The following PCDHA3 variants were observed in gnomAD, a reference collection of about 807,000 sequenced individuals.
PCDHA3 encodes protocadherin alpha 3.
PCDHA3 carries 41 observed loss-of-function variants against 62.2 expected under a neutral mutation model. That is an observed-to-expected ratio of 0.66 (90% CI 0.51 to 0.86). PCDHA3 has a LOEUF of 0.86. PCDHA3 is among the 40% of genes least tolerant of loss of function. The pLI is 0.00. For missense variants in PCDHA3, 1,304 were observed against 1,241.2 expected (o/e 1.05, Z -0.76); for synonymous variants, 640 against 555.4 (o/e 1.15, Z -2.14).
Position 141,009,908 on chromosome 5 carries a change from A to G in PCDHA3, c.2824A>G (p.Asn942Asp), listed in dbSNP as rs1295693430. The G allele has an allele frequency of 6.2e-7, 1 of 1,612,848 alleles. No individual in the cohort carries two copies. Among genetic ancestry groups the G allele is most frequent in the Non-Finnish European group, 8.5e-7 (1 of 1,179,798 alleles). Residue 942 changes from asparagine to aspartate, a missense_variant, in exon 4 of 4, where the codon AAC (asparagine) becomes GAC (aspartate). By Grantham distance (23) the Asn-to-Asp change is conservative (BLOSUM62 1). Transcript: ENST00000522353. Reference sequence around the variant, plus strand: ...GACCCAGGAGAAAAAAGAGAAAGGGAACAGCACGACTGACAACAGTGACCA... The same window carrying G: ...GACCCAGGAGAAAAAAGAGAAAGGGGACAGCACGACTGACAACAGTGACCA... ...NKTQEKKEKG[N>D]STTDNSDQ
At chr5:140,805,068 C>A in intron 1 of PCDHA3, 1 of 1,593,038 alleles carries the variant, frequency 6.3e-7, no homozygotes. Flanking sequence ...AGATATGGAA[C>A]TTCAATCTTC....
At chr5:140,985,000 C>T (rs1237251178) in intron 3 of PCDHA3, among the ~76,000 whole-genome samples, 5 of 151,948 alleles carry the variant, frequency 3.3e-5, no homozygotes, top group Non-Finnish European at 7.4e-5. Context: ...TCCAGTGGCA[C>T]GATATCGGCT....
At chr5:140,921,091 C>G (rs893367475) in intron 1 of PCDHA3, among the ~76,000 whole-genome samples, 1 of 152,022 alleles carries the variant, frequency 6.6e-6, no homozygotes, top group Admixed American at 6.5e-5. Flanking sequence ...GAGAATCCTC[C>G]TGCCTCAGTC....
At position 140,803,628 on chromosome 5, in the gene PCDHA3, T is replaced by C. The variant is rs1554122906; in HGVS notation, c.2394+37T>C. 5 of 1,613,976 alleles carry C rather than the reference T, an allele frequency of 3.1e-6. No homozygotes were observed. The African/African-American group carries it at 4.0e-5, about 13-fold the overall frequency. On this transcript the variant is annotated intron_variant, in intron 1 of 3. Transcript: ENST00000522353. Reference sequence around the variant, plus strand: ...TTATTTATTCTTTCCAAAATGTCTTTGTTTTTCATTCCTCAATGTTTCCAC... The same window carrying C: ...TTATTTATTCTTTCCAAAATGTCTTCGTTTTTCATTCCTCAATGTTTCCAC...
chr5:140,972,294 C>T (rs944183626), intron 1 of PCDHA3, among the ~76,000 whole-genome samples: 14 of 151,458 alleles, frequency 9.2e-5, no homozygotes, highest in South Asian at 2.1e-4. Context: ...TGTGCGCCAC[C>T]GTGTCTGACT....
chr5:140,852,012 T>C (rs2042217314), intron 1 of PCDHA3: 1 of 965,684 alleles, frequency 1.0e-6, no homozygotes, highest in East Asian at 1.1e-4. Context: ...TAATTTATAG[T>C]TTTAAAAACT....
intron 3 of PCDHA3, among the ~76,000 whole-genome samples, chr5:140,989,348 G>A (rs1455202093): frequency 6.6e-6 from 1 of 152,196 alleles, no homozygotes; most frequent in African/African-American, 2.4e-5. Context: ...GCTCAAAGGT[G>A]ATAGGTCACC....
chr5:140,854,159 CAAAA>C (rs59855104), intron 1 of PCDHA3: 81 of 341,326 alleles, frequency 2.4e-4, no homozygotes, highest in Middle Eastern at 1.4e-3. Flanking sequence ...GATTCTGTCT[CAAAA>C]AAAAAAAAAA....
intron 1 of PCDHA3, chr5:140,834,434 T>A: frequency 6.2e-7 from 1 of 1,610,706 alleles, no homozygotes; most frequent in Non-Finnish European, 8.5e-7. Context: ...TACTGCTGTT[T>A]ATTATAATTC....
chr5:140,904,335 C>T (rs142753502), intron 1 of PCDHA3, among the ~76,000 whole-genome samples: 2,168 of 152,034 alleles, frequency 0.014, 62 homozygotes, highest in African/African-American at 0.05. Flanking sequence ...TCTCCAGTTC[C>T]ATCCAGGTTG....
intron 1 of PCDHA3, chr5:140,865,093 G>T (rs535527730): frequency 6.6e-6 from 1 of 152,216 alleles, no homozygotes; most frequent in African/African-American, 2.4e-5. Flanking sequence ...TATTAATAAA[G>T]GCACTTCCAC....
intron 1 of PCDHA3, chr5:140,871,328 G>C: frequency 1.9e-6 from 3 of 1,614,128 alleles, no homozygotes; most frequent in Non-Finnish European, 2.5e-6. Flanking sequence ...GTGTGCTCCC[G>C]CGCGGTGGGG....
At position 140,944,954 on chromosome 5, in the gene PCDHA3, G is replaced by T. The variant is rs59917150; in HGVS notation, c.2395-33995G>T. Among the ~76,000 whole-genome samples the T allele has an allele frequency of 8.9e-3, 1,356 of 152,182 alleles. 15 individuals are homozygous for T. Among genetic ancestry groups the T allele is most frequent in the African/African-American group, 0.032 (1,311 of 41,514 alleles). ...CTTCTTTAGATGATTGTGAATAAGA[G>T]TATTATCTTAACCTCTCTGGTGGGT... On this transcript the variant is annotated intron_variant, in intron 1 of 3. Coordinates refer to ENST00000522353, the MANE Select transcript of PCDHA3 (RefSeq NM_018906.3).
chr5:140,967,026 C>G, intron 1 of PCDHA3: 2 of 1,608,434 alleles, frequency 1.2e-6, no homozygotes, highest in East Asian at 4.5e-5. Flanking sequence ...GCGCCCAGTC[C>G]GCGCTACCTG....
intron 1 of PCDHA3, among the ~76,000 whole-genome samples, chr5:140,886,846 AAG>A (rs1345370045): frequency 2.0e-5 from 3 of 151,444 alleles, no homozygotes; most frequent in Admixed American, 6.6e-5. Context: ...AAAAAAAAAA[AAG>A]AAAGGTCTTC....
rs77098340 is a variant in PCDHA3 at position 140,895,412 on chromosome 5, C to T, written c.2395-83537C>T. 8.0e-3 allele frequency among the ~76,000 whole-genome samples: 1,218 copies of T among 152,216 alleles called. 6 individuals carry two copies. Among genetic ancestry groups the T allele is most frequent in the African/African-American group, 0.019 (785 of 41,528 alleles). On this transcript the variant is annotated intron_variant, in intron 1 of 3. Coordinates refer to ENST00000522353, the MANE Select transcript of PCDHA3 (RefSeq NM_018906.3). The stretch of plus-strand genomic sequence containing the variant: ...CTCAACACCATCAAAAGCCCCATAA[C>T]CTTCTTTTGCTTCCTCCTGAGACTC...
In PCDHA3 at chr5:140,803,411, G is replaced by C. The variant is rs782062306; in HGVS notation, c.2214G>C (p.Thr738=). Residue 738 remains threonine (T), a synonymous_variant, in exon 1 of 4, where the codon ACG becomes ACC. Coordinates refer to ENST00000522353, the MANE Select transcript of PCDHA3 (RefSeq NM_018906.3). ...GCGACTGTGGGCCGGGCAAGCCCAC[G>C]CTGGTGTGCTCCAGCGCGGTGGGGA... ...TEGDCGPGKP[T]LVCSSAVGSW... 2.5e-6 allele frequency: 4 copies of C among 1,614,218 alleles called. No individual in the cohort carries two copies. The highest frequency in any genetic ancestry group is 3.4e-6 in the Non-Finnish European group (4 of 1,180,042).
chr5:140,930,798 G>T (rs1339622831), intron 1 of PCDHA3, among the ~76,000 whole-genome samples: 1 of 152,094 alleles, frequency 6.6e-6, no homozygotes, highest in Non-Finnish European at 1.5e-5. Flanking sequence ...ATAGAATCCA[G>T]CATATAAGAT....
intron 3 of PCDHA3, among the ~76,000 whole-genome samples, chr5:140,996,819 C>T (rs1446677147): frequency 6.6e-6 from 1 of 152,142 alleles, no homozygotes; most frequent in East Asian, 1.9e-4. Context: ...CAAAAGTAAC[C>T]ACTACCAATA....
Sources: allele counts gnomAD v4.1 joint callset (sites outside exome capture counted in the v4.1 genomes callset), GRCh38; gene constraint gnomAD v4.1.1; transcripts MANE v1.5; gene names NCBI Gene and HGNC (gene_info 2026-07-23, HGNC 2026-07-21).